Variants in PKD2L2 observed in about 807,000 individuals in gnomAD.
The protein encoded by PKD2L2 is polycystin-2-like protein 2.
Under a neutral mutation model 83.9 loss-of-function variants are expected in PKD2L2, and 67 were observed. That is an observed-to-expected ratio of 0.80 (90% confidence interval 0.66 to 0.98). The LOEUF (loss-of-function observed/expected upper bound fraction) is 0.98. Among genes scored for constraint, PKD2L2 ranks in the 50% least tolerant of loss-of-function variants. The pLI, the probability that PKD2L2 is intolerant of heterozygous loss-of-function variation, is 0.00. For synonymous variants in PKD2L2, 223 were observed against 237.8 expected, an observed-to-expected ratio of 0.94 and a Z score of 0.57; for missense variants, 632 against 717.2, an observed-to-expected ratio of 0.88 and a Z score of 1.36.
chr5:137,907,861 C>A lies in PKD2L2; in HGVS notation c.1095C>A (p.His365Gln). 1 of 1,513,450 alleles carries A rather than the reference C, an allele frequency of 6.6e-7. No homozygotes were observed. Among genetic ancestry groups the A allele is most frequent in the South Asian group, 1.2e-5 (1 of 84,806 alleles). The allele number at this position is 1,513,450 out of a possible 1,614,324, so 93.8% of individuals were successfully genotyped here. Residue 365 changes from histidine (H) to glutamine (Q), a missense_variant, in exon 7 of 15, where the codon CAC becomes CAA. By Grantham distance (24) the His-to-Gln change is conservative. This residue lies in a region of PKD2L2 where 399 missense variants were observed against 416.9 expected (regional missense o/e 0.96). Coordinates refer to ENST00000508883, the MANE Select transcript of PKD2L2 (RefSeq NM_001300921.2). ...YSDFYFLACW[H>Q]IYYNNIIAIT... ...ATTTCTATTTTCTTGCATGCTGGCA[C>A]ATTTATTACAATAATATAATTGCTA...
chr5:137,916,782 CT>C (rs962720933), intron 8 of PKD2L2, among the ~76,000 whole-genome samples: 1 of 151,086 alleles, frequency 6.6e-6, no homozygotes, highest in Non-Finnish European at 1.5e-5. Flanking sequence ...TGGCTGCCAC[CT>C]TTTTTTTTCT....
At chr5:137,940,335 C>G (rs1403166388) in intron 14 of PKD2L2, 1 of 1,603,196 alleles carries the variant, frequency 6.2e-7, no homozygotes, top group Non-Finnish European at 8.5e-7. Flanking sequence ...ACACGATCCT[C>G]TTTCTGGGCA....
In PKD2L2 at chr5:137,935,836, A is replaced by G; in HGVS notation, c.1711A>G (p.Arg571Gly). 3 of 1,611,320 alleles carry G rather than the reference A, an allele frequency of 1.9e-6. No individual in the cohort carries two copies. The South Asian group carries it at 3.3e-5, about 18-fold the overall frequency. Residue 571 changes from arginine (R) to glycine (G), a missense_variant, in exon 13 of 15, where the codon AGG becomes GGG. Physicochemically the swap from Arg to Gly is moderately radical, Grantham distance 125. Transcript: ENST00000508883. ...NAEQMKKWKERLEKKYYSMEI... is the reference protein window; with the variant it reads ...NAEQMKKWKEGLEKKYYSMEI... ...AGAGCAGATGAAAAAATGGAAAGAGAGGCTTGAGAAAAAGTATTATTCTAT... is the reference window on the plus strand; with the variant it reads ...AGAGCAGATGAAAAAATGGAAAGAGGGGCTTGAGAAAAAGTATTATTCTAT...
chr5:137,893,732 T>C (rs774996852), intron 3 of PKD2L2, among the ~76,000 whole-genome samples: 17 of 152,154 alleles, frequency 1.1e-4, no homozygotes, highest in African/African-American at 4.1e-4. Context: ...ACACGGTCAT[T>C]TCCTGGAAGA....
Position 137,936,443 on chromosome 5 carries a change from G to A in PKD2L2, c.*17+16G>A. 1 of 1,522,652 alleles carries A rather than the reference G, an allele frequency of 6.6e-7. No individual in the cohort carries two copies. The allele number at this position is 1,522,652 out of a possible 1,614,324, so 94.3% of individuals were successfully genotyped here. A position where few individuals can be genotyped will look rare whatever the true frequency, so the allele number is the denominator to read the frequency against. ...ACAAGTGGAGGTAAGAATCTGTGAT[G>A]CAATCATTGAGCATTTCTTTTTTTT... On this transcript the variant is annotated intron_variant, in intron 14 of 14. Transcript: ENST00000508883.
intron 2 of PKD2L2, among the ~76,000 whole-genome samples, chr5:137,891,985 C>T (rs1756032396): frequency 6.6e-6 from 1 of 152,196 alleles, no homozygotes; most frequent in Admixed American, 6.5e-5. Context: ...CGCCCCGCCA[C>T]TAGTTAATAT....
At position 137,925,050 on chromosome 5, in the gene PKD2L2, A is replaced by G; in HGVS notation, c.1562A>G (p.Asn521Ser). 1 of 1,592,990 alleles carries G rather than the reference A, an allele frequency of 6.3e-7. No individual in the cohort carries two copies. The highest frequency in any genetic ancestry group is 8.6e-7 in the Non-Finnish European group (1 of 1,161,086). Residue 521 changes from asparagine (N) to serine (S), a missense_variant, in exon 11 of 15, where the codon AAT (asparagine) becomes AGT (serine). Asn to Ser is a conservative substitution (Grantham distance 46). This residue lies in a region of PKD2L2 where 399 missense variants were observed against 416.9 expected (regional missense o/e 0.96). Coordinates refer to ENST00000508883, the MANE Select transcript of PKD2L2 (RefSeq NM_001300921.2). ...LGKMIKQSYKNVLEKFRLKKA... is the reference protein window; with the variant it reads ...LGKMIKQSYKSVLEKFRLKKA... ...TTAAATTATGCCCAGAGTTACAAAA[A>G]TGTTCTCGAGAAATTCAGACTGAAG... is the stretch of plus-strand genomic sequence containing the variant.
intron 5 of PKD2L2, among the ~76,000 whole-genome samples, chr5:137,903,708 G>C (rs1031630931): frequency 3.9e-5 from 6 of 152,104 alleles, no homozygotes; most frequent in African/African-American, 1.4e-4. Flanking sequence ...ATAAAACAAT[G>C]TGATGTTACT....
At chr5:137,940,294 C>G in intron 14 of PKD2L2, 1 of 1,611,438 alleles carries the variant, frequency 6.2e-7, no homozygotes, top group Non-Finnish European at 8.5e-7. Context: ...CTTTAATTTT[C>G]TTGTACTCTC....
At chr5:137,902,738 C>A (rs1490452575) in intron 5 of PKD2L2, among the ~76,000 whole-genome samples, 2 of 152,108 alleles carry the variant, frequency 1.3e-5, no homozygotes, top group Non-Finnish European at 2.9e-5. Context: ...GCTGCTTGTA[C>A]ACAGACATCT....
chr5:137,890,424 TTGTC>T lies in PKD2L2; in HGVS notation c.32-56_32-53del, dbSNP rs1755860679. On this transcript the variant is annotated intron_variant, in intron 1 of 14. Coordinates refer to ENST00000508883, the MANE Select transcript of PKD2L2 (RefSeq NM_001300921.2). Reference sequence around the variant, plus strand: ...AAAAGTGGCTGTGGTTTTTCCATTGTTGTCACTTATAAATTACATAATAATGTAA... The same window carrying T: ...AAAAGTGGCTGTGGTTTTTCCATTGTACTTATAAATTACATAATAATGTAA... 1.7e-5 allele frequency: 15 copies of T among 891,388 alleles called. No individual in the cohort carries two copies. The South Asian group carries it at 2.4e-4, about 14-fold the overall frequency. 55.2% of individuals were successfully genotyped at this position (891,388 alleles called of 1,614,324 possible).
intron 12 of PKD2L2, among the ~76,000 whole-genome samples, chr5:137,934,176 G>A (rs1255827466): frequency 1.3e-5 from 2 of 152,158 alleles, no homozygotes; most frequent in Admixed American, 1.3e-4. Context: ...CACAAGGGAA[G>A]GTGGTAGGGC....
chr5:137,901,105 C>T (rs994642384), intron 5 of PKD2L2, among the ~76,000 whole-genome samples: 8 of 149,656 alleles, frequency 5.3e-5, no homozygotes, highest in Admixed American at 2.0e-4. Context: ...CATTGCACTT[C>T]AGCCTGGACA....
chr5:137,895,696 G>C (rs1756394660), intron 4 of PKD2L2, among the ~76,000 whole-genome samples: 1 of 151,868 alleles, frequency 6.6e-6, no homozygotes, highest in African/African-American at 2.4e-5. Context: ...TGGCCAACAT[G>C]GTGAAACCCC....
chr5:137,913,764 T>C (rs761728720), intron 8 of PKD2L2, among the ~76,000 whole-genome samples: 51 of 151,938 alleles, frequency 3.4e-4, no homozygotes, highest in Non-Finnish European at 6.3e-4. Context: ...TTCAGGCTGG[T>C]TTTGAACTCC....
chr5:137,901,594 C>A (rs1204486182), intron 5 of PKD2L2, among the ~76,000 whole-genome samples: 1 of 152,148 alleles, frequency 6.6e-6, no homozygotes, highest in Non-Finnish European at 1.5e-5. Context: ...AGATAAACAC[C>A]AGCTTCCAGT....
At chr5:137,923,950 C>T (rs1016698547) in intron 10 of PKD2L2, among the ~76,000 whole-genome samples, 1 of 152,198 alleles carries the variant, frequency 6.6e-6, no homozygotes, top group African/African-American at 2.4e-5. Flanking sequence ...ACACTATCCT[C>T]TCAAGTCACT....
chr5:137,921,524 A>G, intron 8 of PKD2L2, 112 bp from the exon 9 acceptor site: 1 of 671,840 alleles, frequency 1.5e-6, no homozygotes, highest in South Asian at 2.0e-5. Context: ...TTAAAGTCAG[A>G]AAGCATATAC....
At chr5:137,906,773 G>A (rs1757406819) in intron 6 of PKD2L2, among the ~76,000 whole-genome samples, 1 of 152,114 alleles carries the variant, frequency 6.6e-6, no homozygotes, top group South Asian at 2.1e-4. Flanking sequence ...GGGTCTTTGG[G>A]GGCAAGGTTG....
Sources: gnomAD v4.1 joint callset for allele counts (sites outside exome capture counted in the v4.1 genomes callset) on GRCh38, gnomAD v4.1.1 for gene constraint, gnomAD v4.1.1 regional missense constraint, MANE v1.5 for transcripts, NCBI Gene and HGNC (gene_info 2026-07-23, HGNC 2026-07-21) for gene names.